The following PLEKHG4B variants were observed in gnomAD, a reference collection of about 807,000 sequenced individuals.
The protein encoded by PLEKHG4B is pleckstrin homology and RhoGEF domain containing G4B, also known as pleckstrin homology domain-containing family G member 4B.
PLEKHG4B carries 111 observed loss-of-function variants against 121.3 expected under a neutral mutation model. That is an observed-to-expected ratio of 0.92 (90% CI 0.78 to 1.07). PLEKHG4B has a LOEUF of 1.07. PLEKHG4B is among the 50% of genes least tolerant of loss of function. PLEKHG4B has a pLI of 0.00. For missense variants in PLEKHG4B, 1,831 were observed against 1,757.8 expected, an observed-to-expected ratio of 1.04 and a Z score of -0.74; for synonymous variants, 738 against 725.0, an observed-to-expected ratio of 1.02 and a Z score of -0.29.
intron 2 of PLEKHG4B, among the ~76,000 whole-genome samples, chr5:123,102 A>G (rs1004733538): frequency 7.9e-5 from 12 of 152,226 alleles, no homozygotes; most frequent in Non-Finnish European, 1.3e-4. Flanking sequence ...TGCAGAATAC[A>G]CATTCTTTTG....
In PLEKHG4B at chr5:182,573, C is replaced by A; in HGVS notation, c.*250C>A. Reference sequence around the variant, plus strand: ...CCACCCAAGACAACAGCATAGGAAACAGACCTAAAACAAGACAAAAAAAGA... The same window carrying A: ...CCACCCAAGACAACAGCATAGGAAAAAGACCTAAAACAAGACAAAAAAAGA... On this transcript the variant is annotated 3_prime_UTR_variant, in exon 20 of 20. Transcript: ENST00000637938. 1 of 511,798 alleles carries A rather than the reference C, an allele frequency of 2.0e-6. No individual in the cohort carries two copies. Among genetic ancestry groups the A allele is most frequent in the Non-Finnish European group, 3.5e-6 (1 of 287,294 alleles). 31.7% of individuals were successfully genotyped at this position (511,798 alleles called of 1,614,324 possible).
At chr5:142,611 T>C (rs1311444414) in intron 3 of PLEKHG4B, among the ~76,000 whole-genome samples, 2 of 146,170 alleles carry the variant, frequency 1.4e-5, no homozygotes, top group Admixed American at 6.8e-5. Context: ...CACTCCAGAG[T>C]TCCACATACC....
chr5:172,437 C>T (rs1736589676), intron 16 of PLEKHG4B, among the ~76,000 whole-genome samples: 1 of 152,232 alleles, frequency 6.6e-6, no homozygotes, highest in Admixed American at 6.5e-5. Flanking sequence ...GTCGGATTCC[C>T]AGGGGCTATT....
intron 13 of PLEKHG4B, among the ~76,000 whole-genome samples, chr5:167,525 G>A (rs1560948343): frequency 7.4e-6 from 1 of 136,020 alleles, no homozygotes; most frequent in East Asian, 1.9e-4. Flanking sequence ...TCAAGTAGAG[G>A]AGAAAAGCAA....
At chr5:109,279 C>T (rs1264086025) in intron 1 of PLEKHG4B, among the ~76,000 whole-genome samples, 1 of 151,916 alleles carries the variant, frequency 6.6e-6, no homozygotes, top group Non-Finnish European at 1.5e-5. Context: ...CACCTGTAGT[C>T]CCAGCTACTC....
rs570539112 is a variant in PLEKHG4B at position 184,652 on chromosome 5, C to T, written c.*2329C>T. On this transcript the variant is annotated 3_prime_UTR_variant, in exon 20 of 20. Coordinates refer to ENST00000637938, the MANE Select transcript of PLEKHG4B (RefSeq NM_052909.5). ...CGTTATTTAAATCCCTTTAGCCCAT[C>T]TCCCATTTGCCCCAAGGAATGAGTG... 6.6e-6 allele frequency: 1 copy of T among 152,370 alleles called. No homozygotes were observed. Among genetic ancestry groups the T allele is most frequent in the South Asian group, 2.1e-4 (1 of 4,830 alleles). 9.4% of individuals were successfully genotyped at this position (152,370 alleles called of 1,614,324 possible).
At position 144,839 on chromosome 5, in the gene PLEKHG4B, G is replaced by A. The variant is rs1735350819; in HGVS notation, c.1824G>A (p.Arg608=). ...YFHSIPRKEV[R]DLGLVVLVDA... is the part of the protein sequence containing the mutation. ...TTTCCCTCCCCAGGAAAGAGGTCCG[G>A]GACCTGGGGCTGGTTGTCCTGGTGG... is the stretch of plus-strand genomic sequence containing the variant. Residue 608 remains arginine (R), a synonymous_variant, in exon 6 of 20, where the codon CGG becomes CGA. Coordinates refer to ENST00000637938, the MANE Select transcript of PLEKHG4B (RefSeq NM_052909.5). 6 of 1,613,336 alleles carry A rather than the reference G, an allele frequency of 3.7e-6. No individual in the cohort carries two copies. The highest frequency in any genetic ancestry group is 5.1e-6 in the Non-Finnish European group (6 of 1,179,828).
At chr5:117,818 A>T (rs1404072271) in intron 2 of PLEKHG4B, among the ~76,000 whole-genome samples, 1 of 152,166 alleles carries the variant, frequency 6.6e-6, no homozygotes, top group Non-Finnish European at 1.5e-5. Flanking sequence ...GTGCCACTAC[A>T]CTCCATCCTG....
chr5:139,750 C>T lies in PLEKHG4B; in HGVS notation c.511C>T (p.Arg171Trp), dbSNP rs1300949373. Residue 171 changes from arginine to tryptophan, a missense_variant, in exon 3 of 20, where the codon CGG (arginine) becomes TGG (tryptophan). Coordinates refer to ENST00000637938, the MANE Select transcript of PLEKHG4B (RefSeq NM_052909.5). The surrounding 1 kb of genome is among the most constrained non-coding windows in gnomAD (Gnocchi z 5.0). ...GTTCCTGGAGTGGGTGAACCGGGAG[C>T]GGCGCCATGTCCCCCTGCAAACCTG... ...GAFLEWVNRE[R>W]RHVPLQTCLL... The T allele has an allele frequency of 1.3e-5, 5 of 398,886 alleles. No homozygotes were observed. In the South Asian group the frequency reaches 3.8e-4, roughly 30 times the overall value. The allele number at this position is 398,886 out of a possible 1,614,324, so 24.7% of individuals were successfully genotyped here. A position where few individuals can be genotyped will look rare whatever the true frequency, so the allele number is the denominator to read the frequency against.
chr5:169,340 C>A lies in PLEKHG4B; in HGVS notation c.3477C>A (p.Ser1159Arg), dbSNP rs780654174. The A allele has an allele frequency of 1.9e-6, 3 of 1,613,690 alleles. No individual in the cohort carries two copies. The highest frequency in any genetic ancestry group is 2.5e-6 in the Non-Finnish European group (3 of 1,179,754). Reference protein sequence around the residue: ...AEEDGRQQVGSSRLRHIMAEM... With the variant: ...AEEDGRQQVGRSRLRHIMAEM... ...CCCCCGGGATCTCTGTGTCTTCCAG[C>A]AGCCGACTGAGGCACATCATGGCCG... The change falls in exon 14 of 20, where the codon AGC becomes AGA. Residue 1159 changes from serine to arginine, a missense_variant and splice_region_variant. By Grantham distance (110) the Ser-to-Arg change is moderately radical. Transcript: ENST00000637938.
At chr5:124,775 C>A (rs1734563507) in intron 2 of PLEKHG4B, among the ~76,000 whole-genome samples, 1 of 152,096 alleles carries the variant, frequency 6.6e-6, no homozygotes, top group Non-Finnish European at 1.5e-5. Flanking sequence ...CTGTTTATGT[C>A]TTTGAATCTC....
rs138829050 is a variant in PLEKHG4B at position 133,924 on chromosome 5, A to G, written c.244-5559A>G. Among the ~76,000 whole-genome samples, 801 of 144,632 alleles carry G rather than the reference A, an allele frequency of 5.5e-3. 27 individuals carry two copies. Among genetic ancestry groups the G allele is most frequent in the Admixed American group, 0.051 (744 of 14,476 alleles). 94.9% of individuals were successfully genotyped at this position (144,632 alleles called of 152,430 possible). ...GATAAAGAAAATGTGACACACACGC[A>G]CACACACACACACACACATATATAT... On this transcript the variant is annotated intron_variant, in intron 2 of 19. Coordinates refer to ENST00000637938, the MANE Select transcript of PLEKHG4B (RefSeq NM_052909.5).
In PLEKHG4B at chr5:156,824, G is replaced by A. The variant is rs1033755119; in HGVS notation, c.2400G>A (p.Val800=). Residue 800 remains valine (V), a synonymous_variant, in exon 11 of 20, where the codon GTG becomes GTA. Transcript: ENST00000637938. This position sits in a 1 kb window ranked among gnomAD's most constrained non-coding sequence, Gnocchi z 4.4. ...TGTACGACCGAGTGGATGAGGAGGT[G>A]CACAGGCTGGTCCTCACCTCGAACA... is the stretch of plus-strand genomic sequence containing the variant. The part of the protein sequence containing the change: ...TSLYDRVDEE[V]HRLVLTSNNR... 6 of 1,590,364 alleles carry A rather than the reference G, an allele frequency of 3.8e-6. No homozygotes were observed. The highest frequency in any genetic ancestry group is 1.7e-4 in the Middle Eastern group (1 of 6,036).
intron 1 of PLEKHG4B, among the ~76,000 whole-genome samples, chr5:108,983 G>A (rs555460157): frequency 1.3e-5 from 2 of 152,304 alleles, no homozygotes; most frequent in South Asian, 4.1e-4. Flanking sequence ...AGCCCAGAGC[G>A]AGCCTCCTGG....
chr5:135,518 T>C (rs1734933005), intron 2 of PLEKHG4B, among the ~76,000 whole-genome samples: 1 of 148,992 alleles, frequency 6.7e-6, no homozygotes, highest in Non-Finnish European at 1.5e-5. Context: ...CCAAAAAAAT[T>C]AGCCTGGCAT....
At chr5:164,673 C>T (rs1321718531) in intron 13 of PLEKHG4B, among the ~76,000 whole-genome samples, 2 of 110,808 alleles carry the variant, frequency 1.8e-5, no homozygotes, top group African/African-American at 3.1e-5. Context: ...CACACTAATA[C>T]TCTGACAGGG....
In PLEKHG4B at chr5:112,836, G is replaced by A. The variant is rs530923438; in HGVS notation, c.46-415G>A. Reference sequence around the variant, plus strand: ...CTCCCTGTACAAACCCAGGAGAGCCGGGAGGAGCAGCTCCCGCAGGACTCA... The same window carrying A: ...CTCCCTGTACAAACCCAGGAGAGCCAGGAGGAGCAGCTCCCGCAGGACTCA... On this transcript the variant is annotated intron_variant, in intron 1 of 19. Transcript: ENST00000637938. Among the ~76,000 whole-genome samples, 16 of 152,278 alleles carry A rather than the reference G, an allele frequency of 1.1e-4. No homozygotes were observed. In the East Asian group the frequency reaches 1.2e-3, roughly 11 times the overall value.
intron 12 of PLEKHG4B, among the ~76,000 whole-genome samples, chr5:162,267 TCCCACGCGCCCCAGACCGCACGC>T (rs1560940804): frequency 1.4e-5 from 1 of 70,712 alleles, no homozygotes; most frequent in East Asian, 5.6e-4. Flanking sequence ...GCCTGCGAGC[TCCCACGCGCCCCAGACCGCACGC>T]CTGCGAGCTC....
intron 2 of PLEKHG4B, among the ~76,000 whole-genome samples, chr5:138,087 C>T (rs747386116): frequency 2.0e-5 from 3 of 152,208 alleles, no homozygotes; most frequent in African/African-American, 4.8e-5. Flanking sequence ...CCCACCCTGA[C>T]GTCAGACGAT....
Sources: allele counts gnomAD v4.1 joint callset (sites outside exome capture counted in the v4.1 genomes callset), GRCh38; gene constraint gnomAD v4.1.1; non-coding constraint Gnocchi (gnomAD v3.1); transcripts MANE v1.5; gene names NCBI Gene and HGNC (gene_info 2026-07-23, HGNC 2026-07-21).